The following CP variants were observed in gnomAD, a reference collection of about 807,000 sequenced individuals.
The protein encoded by CP is ceruloplasmin.
A neutral mutation model predicts 122.4 loss-of-function variants in CP; 64 were observed. The ratio of observed to expected loss-of-function variants is 0.52; its 90% CI spans 0.43 to 0.64. CP has a LOEUF of 0.64. Among genes scored for constraint, CP ranks in the 30% least tolerant of loss-of-function variants. The pLI is 0.00. For synonymous variants in CP, 440 were observed against 436.4 expected, an observed-to-expected ratio of 1.01 and a Z score of -0.10; for missense variants, 1,167 against 1,284.4, an observed-to-expected ratio of 0.91 and a Z score of 1.40.
intron 5 of CP, among the ~76,000 whole-genome samples, chr3:149,163,276 C>T (rs1285031990): frequency 1.3e-5 from 2 of 152,200 alleles, no homozygotes; most frequent in African/African-American, 4.8e-5. Flanking sequence ...GGGAGGGAGA[C>T]TGCCTTAGTG....
chr3:149,185,933 C>T (rs539225910), intron 11 of CP: 38 of 172,646 alleles, frequency 2.2e-4, no homozygotes, highest in Non-Finnish European at 3.3e-4. Flanking sequence ...GGAAGGAAAG[C>T]GTGACACTGG....
At chr3:149,175,664 A>AATGTGTGTGTGT (rs149295070) in intron 18 of CP, among the ~76,000 whole-genome samples, 2 of 145,566 alleles carry the variant, frequency 1.4e-5, no homozygotes, top group South Asian at 4.4e-4. Context: ...CTCCATTTTA[A>AATGTGTGTGTGT]GTGTGTGTGT....
chr3:149,169,875 C>T (rs1384600060), downstream of CP, among the ~76,000 whole-genome samples: 3 of 152,074 alleles, frequency 2.0e-5, no homozygotes, highest in African/African-American at 4.8e-5. Flanking sequence ...AATTTTCAAC[C>T]TTTGACAAAT....
chr3:149,170,485 G>C (rs1724867972), downstream of CP: 1 of 152,180 alleles, frequency 6.6e-6, no homozygotes, highest in Non-Finnish European at 1.5e-5. Flanking sequence ...ATTTTCACGG[G>C]AACTGTGGAA....
chr3:149,176,516 T>C, intron 17 of CP, 104 bp from the exon 18 acceptor site: 1 of 971,610 alleles, frequency 1.0e-6, no homozygotes. Flanking sequence ...TGGATAAATC[T>C]GTTTTTAAAA....
intron 8 of CP, 58 bp from the exon 9 acceptor site, chr3:149,198,636 C>G (rs1727077156): frequency 6.8e-7 from 1 of 1,469,116 alleles, no homozygotes; most frequent in African/African-American, 1.4e-5. Context: ...GTCATTTGAG[C>G]CACAAAGTAG....
At chr3:149,201,506 A>G (rs1242560018) in intron 7 of CP, among the ~76,000 whole-genome samples, 1 of 152,242 alleles carries the variant, frequency 6.6e-6, no homozygotes, top group Non-Finnish European at 1.5e-5. Flanking sequence ...ACCAAGTCAC[A>G]TAAACACACA....
Position 149,178,584 on chromosome 3 carries a change from A to G in CP, c.2709T>C (p.Pro903=). The G allele has an allele frequency of 6.2e-7, 1 of 1,613,722 alleles. No individual in the cohort carries two copies. Among genetic ancestry groups the G allele is most frequent in the Non-Finnish European group, 8.5e-7 (1 of 1,179,750 alleles). ...TTCTGGGATTGAATACTTTCAAGTA[A>G]GGTCTTCGACAAACAATCAGGGGGC... ...LIGPLIVCRR[P]YLKVFNPRRK... The change falls in exon 16 of 19, where the codon CCT becomes CCC. Residue 903 remains proline (P), a synonymous_variant. Coordinates refer to ENST00000264613, the MANE Select transcript of CP (RefSeq NM_000096.4).
chr3:149,220,861 T>A (rs1728763400), intron 1 of CP, among the ~76,000 whole-genome samples: 1 of 152,182 alleles, frequency 6.6e-6, no homozygotes, highest in African/African-American at 2.4e-5. Flanking sequence ...TTAATTAACA[T>A]CATTAAAAGT....
chr3:149,219,546 C>T (rs572391620), intron 1 of CP, among the ~76,000 whole-genome samples: 7 of 152,324 alleles, frequency 4.6e-5, no homozygotes, highest in South Asian at 2.1e-4. Flanking sequence ...CCATGTAAGA[C>T]GTGCCTTTGC....
chr3:149,184,442 C>T (rs1016020322), intron 12 of CP, among the ~76,000 whole-genome samples: 8 of 152,166 alleles, frequency 5.3e-5, no homozygotes, highest in Non-Finnish European at 1.0e-4. Context: ...CTACTGCTGT[C>T]AAACAGGTAA....
In CP at chr3:149,179,609, C is replaced by G. The variant is rs753781193; in HGVS notation, c.2608G>C (p.Glu870Gln). 3 of 1,613,876 alleles carry G rather than the reference C, an allele frequency of 1.9e-6. No individual in the cohort carries two copies. Among genetic ancestry groups the G allele is most frequent in the Non-Finnish European group, 1.7e-6 (2 of 1,179,898 alleles). ...GCCCATGGAATACAAGCAGAATCCTCTGTTCCAGCTCCAGATCTTTCTGGG... is the reference window on the plus strand; with the variant it reads ...GCCCATGGAATACAAGCAGAATCCTGTGTTCCAGCTCCAGATCTTTCTGGG... The part of the protein sequence containing the change: ...KIPERSGAGT[E>Q]DSACIPWAYY... The change falls in exon 15 of 19, where the codon GAG becomes CAG. Residue 870 changes from glutamate (E) to glutamine (Q), a missense_variant. Transcript: ENST00000264613.
chr3:149,204,146 A>G (rs192626722), intron 6 of CP, among the ~76,000 whole-genome samples: 1 of 152,184 alleles, frequency 6.6e-6, no homozygotes, highest in Non-Finnish European at 1.5e-5. Flanking sequence ...GCTTAGATAG[A>G]TGGGAGATAA....
At chr3:149,180,872 T>A (rs34770768) in intron 14 of CP, among the ~76,000 whole-genome samples, 1,647 of 152,264 alleles carry the variant, frequency 0.011, 32 homozygotes, top group African/African-American at 0.038. Flanking sequence ...CTTGGGGTCA[T>A]GCTTGACTCC....
At position 149,179,618 on chromosome 3, in the gene CP, C is replaced by T. The variant is rs1409487892; in HGVS notation, c.2599G>A (p.Ala867Thr). 32 of 1,613,682 alleles carry T rather than the reference C, an allele frequency of 2.0e-5. No homozygotes were observed. Among genetic ancestry groups the T allele is most frequent in the Non-Finnish European group, 2.7e-5 (32 of 1,179,800 alleles). ...YVWKIPERSG[A>T]GTEDSACIPW... ...ATACAAGCAGAATCCTCTGTTCCAG[C>T]TCCAGATCTTTCTGGGATTTTCCAT... The change falls in exon 15 of 19, where the codon GCT becomes ACT. Residue 867 changes from alanine to threonine, a missense_variant. Physicochemically the swap from Ala to Thr is moderately conservative, Grantham distance 58 (BLOSUM62 0). This residue lies in a region of CP where 525 missense variants were observed against 657.2 expected (regional missense o/e 0.80). Transcript: ENST00000264613.
At chr3:149,192,679 A>G (rs1362512476) in intron 9 of CP, among the ~76,000 whole-genome samples, 2 of 150,780 alleles carry the variant, frequency 1.3e-5, no homozygotes, top group Non-Finnish European at 2.9e-5. Context: ...ATACACACAC[A>G]CACATATATA....
chr3:149,162,473 G>T, exon 6 of CP: 1 of 903,304 alleles, frequency 1.1e-6, no homozygotes, highest in Non-Finnish European at 1.8e-6. Context: ...TAAGATAAAA[G>T]TACTAATTAA....
intron 8 of CP, 134 bp from the exon 9 acceptor site, chr3:149,198,712 T>TA (rs1727083616): frequency 1.3e-6 from 1 of 773,998 alleles, no homozygotes; most frequent in Admixed American, 2.0e-5. Context: ...GAATCCCACT[T>TA]ATGCTCTGGT....
Position 149,179,057 on chromosome 3 carries a change from C to T in CP, c.2662-426G>A, listed in dbSNP as rs566034378. Among the ~76,000 whole-genome samples the T allele has an allele frequency of 5.9e-5, 9 of 152,276 alleles. No individual in the cohort carries two copies. The South Asian group carries it at 1.7e-3, about 28-fold the overall frequency. ...TACCAGATTTACTCATTTGTTTGAG[C>T]CAGAACACTGAATTATCAAGGAGCT... On this transcript the variant is annotated intron_variant, in intron 15 of 18. Coordinates refer to ENST00000264613, the MANE Select transcript of CP (RefSeq NM_000096.4).
Sources: gnomAD v4.1 joint callset for allele counts (sites outside exome capture counted in the v4.1 genomes callset) on GRCh38, gnomAD v4.1.1 for gene constraint, gnomAD v4.1.1 regional missense constraint, MANE v1.5 for transcripts, NCBI Gene and HGNC (gene_info 2026-07-23, HGNC 2026-07-21) for gene names.